The following ANKRD17 variants were observed in gnomAD, a reference collection of about 807,000 sequenced individuals.
ANKRD17 encodes ankyrin repeat domain 17.
A neutral mutation model predicts 229.7 loss-of-function variants in ANKRD17; 19 were observed. The observed-to-expected ratio is 0.08, with a 90% CI of 0.06 to 0.12. ANKRD17 has a LOEUF of 0.12. Ranked by LOEUF, ANKRD17 falls within the 10% of genes least tolerant of loss-of-function variation. ANKRD17 has a pLI of 1.00. For synonymous variants in ANKRD17, 1,112 were observed against 1,146.1 expected, an observed-to-expected ratio of 0.97 and a Z score of 0.60; for missense variants, 2,176 against 3,176.8, an observed-to-expected ratio of 0.68 and a Z score of 7.57.
At chr4:73,207,485 G>T (rs1188272731) in intron 1 of ANKRD17, among the ~76,000 whole-genome samples, 1 of 152,136 alleles carries the variant, frequency 6.6e-6, no homozygotes, top group Non-Finnish European at 1.5e-5. Context: ...GATATTGACA[G>T]TTTGTATAAA....
chr4:73,086,270 GA>G (rs1722111580), intron 29 of ANKRD17, among the ~76,000 whole-genome samples: 1 of 152,066 alleles, frequency 6.6e-6, no homozygotes, highest in African/African-American at 2.4e-5. Context: ...AACAGAAAGT[GA>G]AACTTCCAGA....
intron 1 of ANKRD17, among the ~76,000 whole-genome samples, chr4:73,245,640 C>T (rs1174867607): frequency 6.6e-6 from 1 of 152,136 alleles, no homozygotes; most frequent in African/African-American, 2.4e-5. Context: ...TGTAATAAAT[C>T]TCTTAATACA....
rs144599555 is a variant in ANKRD17, at chr4:73,212,509, A to G, written c.394-34976T>C. On this transcript the variant is annotated intron_variant, in intron 1 of 33. Transcript: ENST00000358602. ...TGTCTAATGAAAGTTTTCAGAAGAGAGCATATTTCTATCTAGAGCTATCTC... is the reference window on the plus strand; with the variant it reads ...TGTCTAATGAAAGTTTTCAGAAGAGGGCATATTTCTATCTAGAGCTATCTC... Among the ~76,000 whole-genome samples the G allele has an allele frequency of 2.4e-4, 36 of 152,252 alleles. 1 individual carries two copies. The East Asian group carries it at 6.9e-3, about 29-fold the overall frequency.
chr4:73,090,835 CAGA>C lies in ANKRD17; in HGVS notation c.6790_6792del (p.Ser2264del). On this transcript the variant is annotated inframe_deletion, in exon 29 of 34. Transcript: ENST00000358602. ...ACAGATCCTCCCCAGAAGGCATGAG[CAGA>C]AGTAGGGCTGTTTTCAAACAATGTG... The C allele has an allele frequency of 1.2e-6, 2 of 1,614,162 alleles. No individual in the cohort carries two copies. The highest frequency in any genetic ancestry group is 1.7e-6 in the Non-Finnish European group (2 of 1,180,032).
intron 2 of ANKRD17, among the ~76,000 whole-genome samples, chr4:73,167,902 C>T (rs1733441343): frequency 6.6e-6 from 1 of 152,106 alleles, no homozygotes; most frequent in South Asian, 2.1e-4. Context: ...TCTGTAATCC[C>T]AGCACTTTGG....
intron 2 of ANKRD17, among the ~76,000 whole-genome samples, chr4:73,169,370 T>C (rs547033411): frequency 9.2e-5 from 14 of 152,120 alleles, no homozygotes; most frequent in East Asian, 5.8e-4. Context: ...CACAGTACAA[T>C]AGAATATCAG....
intron 1 of ANKRD17, among the ~76,000 whole-genome samples, chr4:73,191,373 GTGTGTGTGTGTGTA>G (rs1737075106): frequency 6.6e-6 from 1 of 151,030 alleles, no homozygotes. Context: ...GTGTGTGTGT[GTGTGTGTGTGTGTA>G]TCTCCAGATG....
Position 73,091,943 on chromosome 4 carries a change from A to G in ANKRD17, c.5685T>C (p.Leu1895=). The G allele has an allele frequency of 6.2e-7, 1 of 1,614,206 alleles. No homozygotes were observed. Among genetic ancestry groups the G allele is most frequent in the Non-Finnish European group, 8.5e-7 (1 of 1,180,044 alleles). The change falls in exon 29 of 34, where the codon CTT becomes CTC. Residue 1895 remains leucine (L), a synonymous_variant. Transcript: ENST00000358602. ...GGATCTGCTGGAAAGTCTGAGCAGC[A>G]AGCAAAGCATGTGCAAACTGTGGAG... ...YPPPQFAHAL[L]AAQTFQQIRP... is the part of the protein sequence containing the mutation.
chr4:73,129,716 TCAACAACAA>T (rs112066324), intron 16 of ANKRD17, among the ~76,000 whole-genome samples: 2 of 150,536 alleles, frequency 1.3e-5, no homozygotes, highest in Admixed American at 6.6e-5. Flanking sequence ...AGACCCTGTC[TCAACAACAA>T]CAACAACAAC....
chr4:73,121,568 A>G (rs761566528), intron 19 of ANKRD17, 49 bp downstream of exon 19: 77 of 1,605,934 alleles, frequency 4.8e-5, no homozygotes, highest in African/African-American at 4.0e-5. Flanking sequence ...ACAAATATCT[A>G]TAACAGTCTT....
intron 29 of ANKRD17, among the ~76,000 whole-genome samples, chr4:73,090,394 A>G (rs1033465171): frequency 6.6e-6 from 1 of 152,224 alleles, no homozygotes; most frequent in Non-Finnish European, 1.5e-5. Flanking sequence ...TGGGTGACAG[A>G]GCGAGACTCT....
chr4:73,184,446 T>C (rs1736000391), intron 1 of ANKRD17, among the ~76,000 whole-genome samples: 1 of 148,344 alleles, frequency 6.7e-6, no homozygotes, highest in Admixed American at 6.8e-5. Context: ...GGAGAATCAC[T>C]TGAATCTGGG....
intron 1 of ANKRD17, among the ~76,000 whole-genome samples, chr4:73,228,989 C>T (rs998595397): frequency 2.0e-5 from 3 of 152,058 alleles, no homozygotes; most frequent in South Asian, 2.1e-4. Context: ...TGTAGGGACA[C>T]GGATGAAGCT....
intron 16 of ANKRD17, 81 bp from the exon 17 acceptor site, chr4:73,125,393 A>G: frequency 1.1e-6 from 1 of 949,078 alleles, no homozygotes; most frequent in Non-Finnish European, 1.6e-6. Flanking sequence ...AACATATCAA[A>G]TACACACAAA....
intron 29 of ANKRD17, 65 bp downstream of exon 29, chr4:73,090,602 A>G (rs1722700423): frequency 2.5e-6 from 4 of 1,587,154 alleles, no homozygotes; most frequent in East Asian, 4.5e-5. Flanking sequence ...TTAGAAAATG[A>G]CCAAGAATTT....
At position 73,204,337 on chromosome 4, in the gene ANKRD17, G is replaced by A. The variant is rs1212279103; in HGVS notation, c.394-26804C>T. Among the ~76,000 whole-genome samples the A allele has an allele frequency of 4.9e-5, 7 of 144,264 alleles. No homozygotes were observed. In the South Asian group the frequency reaches 1.3e-3, roughly 28 times the overall value. The allele number at this position is 144,264 out of a possible 152,430, so 94.6% of individuals were successfully genotyped here. On this transcript the variant is annotated intron_variant, in intron 1 of 33. Coordinates refer to ENST00000358602, the MANE Select transcript of ANKRD17 (RefSeq NM_032217.5). ...GATCACGTCATTGCAGTCCAGCCTG[G>A]GCGACAAAGTGAGACTCCGTCAAAA... is the stretch of plus-strand genomic sequence containing the variant.
chr4:73,224,717 T>C (rs1742284901), intron 1 of ANKRD17, among the ~76,000 whole-genome samples: 1 of 152,216 alleles, frequency 6.6e-6, no homozygotes, highest in Non-Finnish European at 1.5e-5. Context: ...ATATTATTAT[T>C]ATCCCCATTT....
chr4:73,118,060 G>C lies in ANKRD17; in HGVS notation c.4188+628C>G, dbSNP rs561009406. 1.7e-3 allele frequency among the ~76,000 whole-genome samples: 258 copies of C among 151,824 alleles called. 1 individual carries two copies. Among genetic ancestry groups the C allele is most frequent in the African/African-American group, 5.9e-3 (244 of 41,408 alleles). ...AGACGGGGTCGTACTCTTGTCACCC[G>C]GGCTGGAGTGCGGTGGTGCAATCTC... On this transcript the variant is annotated intron_variant, in intron 22 of 33. Transcript: ENST00000358602.
chr4:73,183,557 C>G lies in ANKRD17; in HGVS notation c.394-6024G>C, dbSNP rs961662931. Among the ~76,000 whole-genome samples the G allele has an allele frequency of 4.6e-5, 7 of 152,010 alleles. No individual in the cohort carries two copies. The East Asian group carries it at 1.2e-3, about 25-fold the overall frequency. On this transcript the variant is annotated intron_variant, in intron 1 of 33. Coordinates refer to ENST00000358602, the MANE Select transcript of ANKRD17 (RefSeq NM_032217.5). ...CAGCCTCTGGCCTCCTGGGTTCAAGCGATTCTCCCACCTCAGCCTCCTTCT... is the reference window on the plus strand; with the variant it reads ...CAGCCTCTGGCCTCCTGGGTTCAAGGGATTCTCCCACCTCAGCCTCCTTCT...
Sources: allele counts gnomAD v4.1 joint callset (sites outside exome capture counted in the v4.1 genomes callset), GRCh38; gene constraint gnomAD v4.1.1; transcripts MANE v1.5; gene names NCBI Gene and HGNC (gene_info 2026-07-23, HGNC 2026-07-21).